CHRM3: variants seen among roughly 807,000 people sequenced by gnomAD.
CHRM3 encodes cholinergic receptor muscarinic 3.
CHRM3 carries 11 observed loss-of-function variants against 41.8 expected under a neutral mutation model. That is an observed-to-expected ratio of 0.26 (90% CI 0.17 to 0.44). The LOEUF is 0.44. Among genes scored for constraint, CHRM3 ranks in the 20% least tolerant of loss-of-function variants. CHRM3 has a pLI of 1.00. For synonymous variants in CHRM3, 297 were observed against 301.4 expected (o/e 0.99, Z 0.15); for missense variants, 571 against 745.4 (o/e 0.77, Z 2.72).
intron 1 of CHRM3, among the ~76,000 whole-genome samples, chr1:239,469,605 G>A (rs931972456): frequency 6.6e-6 from 1 of 151,990 alleles, no homozygotes; most frequent in African/African-American, 2.4e-5. Flanking sequence ...TGCCCAGGCT[G>A]GAATGCAATG....
chr1:239,444,694 C>T (rs945915689), intron 1 of CHRM3, among the ~76,000 whole-genome samples: 5 of 151,928 alleles, frequency 3.3e-5, no homozygotes, highest in Non-Finnish European at 7.4e-5. Flanking sequence ...TGGCAAACAC[C>T]GCGATTACTT....
intron 6 of CHRM3, among the ~76,000 whole-genome samples, chr1:239,861,086 CT>C (rs1402009944): frequency 6.6e-6 from 1 of 152,128 alleles, no homozygotes; most frequent in Non-Finnish European, 1.5e-5. Context: ...TCAGTAACCT[CT>C]ATTATTAACA....
chr1:239,533,577 A>T (rs973363380), intron 2 of CHRM3, among the ~76,000 whole-genome samples: 4 of 151,704 alleles, frequency 2.6e-5, no homozygotes, highest in Non-Finnish European at 4.4e-5. Context: ...CTAAAAAAAA[A>T]AAAATTACCT....
intron 5 of CHRM3, among the ~76,000 whole-genome samples, chr1:239,721,205 C>T (rs921458083): frequency 1.3e-5 from 2 of 151,846 alleles, no homozygotes; most frequent in South Asian, 4.1e-4. Context: ...AGTACAGAGT[C>T]TCTCTCTAAT....
intron 3 of CHRM3, among the ~76,000 whole-genome samples, chr1:239,597,968 G>A (rs1369590135): frequency 1.3e-5 from 2 of 150,444 alleles, no homozygotes; most frequent in Non-Finnish European, 3.0e-5. Context: ...CAAGGCAAGA[G>A]TTCAGAGGAA....
At chr1:239,893,486 G>C (rs1361970361) in intron 6 of CHRM3, among the ~76,000 whole-genome samples, 1 of 152,176 alleles carries the variant, frequency 6.6e-6, no homozygotes, top group Non-Finnish European at 1.5e-5. Context: ...TTAGCCGTGT[G>C]ACTTGGGACA....
At chr1:239,757,760 A>C (rs1440892995) in intron 5 of CHRM3, among the ~76,000 whole-genome samples, 1 of 152,196 alleles carries the variant, frequency 6.6e-6, no homozygotes, top group Non-Finnish European at 1.5e-5. Flanking sequence ...TGCCTTCCTC[A>C]CTTTAATGCT....
intron 6 of CHRM3, among the ~76,000 whole-genome samples, chr1:239,830,167 G>A (rs994654945): frequency 2.0e-5 from 3 of 152,056 alleles, no homozygotes; most frequent in African/African-American, 7.2e-5. Context: ...AAGTATTTGT[G>A]GAAATTCTTT....
intron 5 of CHRM3, among the ~76,000 whole-genome samples, chr1:239,822,225 A>C (rs1335329080): frequency 6.6e-6 from 1 of 152,212 alleles, no homozygotes; most frequent in Non-Finnish European, 1.5e-5. Context: ...AACCAACACA[A>C]TTAAATAGTA....
chr1:239,480,388 A>T (rs1666754406), intron 1 of CHRM3, among the ~76,000 whole-genome samples: 1 of 152,156 alleles, frequency 6.6e-6, no homozygotes, highest in African/African-American at 2.4e-5. Context: ...ATAATGGTGT[A>T]CTGTGAGATT....
intron 1 of CHRM3, among the ~76,000 whole-genome samples, chr1:239,473,065 G>A (rs1295480225): frequency 6.6e-6 from 1 of 151,866 alleles, no homozygotes; most frequent in Non-Finnish European, 1.5e-5. Flanking sequence ...GAAAAAAACT[G>A]GCTATGTATA....
rs148754601 is a variant in CHRM3 at position 239,646,712 on chromosome 1, T to C, written c.-250+14426T>C. On this transcript the variant is annotated intron_variant, in intron 4 of 6. Coordinates refer to ENST00000676153, the MANE Select transcript of CHRM3 (RefSeq NM_001375978.1). ...TGTGACGTGTGTGGATGTGGGTGTG[T>C]GGGTTATGAGGATGAGGAAAGGCAG... 3.3e-5 allele frequency among the ~76,000 whole-genome samples: 5 copies of C among 152,082 alleles called. No homozygotes were observed. The East Asian group carries it at 9.7e-4, about 29-fold the overall frequency.
chr1:239,798,288 C>T (rs954298592), intron 5 of CHRM3, among the ~76,000 whole-genome samples: 2 of 152,228 alleles, frequency 1.3e-5, no homozygotes, highest in Non-Finnish European at 2.9e-5. Context: ...GTAGGCTATT[C>T]ATAGTTACGT....
At chr1:239,787,664 G>A (rs559541452) in intron 5 of CHRM3, among the ~76,000 whole-genome samples, 83 of 152,052 alleles carry the variant, frequency 5.5e-4, no homozygotes, top group Admixed American at 2.9e-3. Context: ...GAGGGGAAGC[G>A]GGAACAGCTA....
intron 6 of CHRM3, chr1:239,886,531 C>T (rs1347934489): frequency 2.0e-5 from 3 of 152,168 alleles, no homozygotes; most frequent in Non-Finnish European, 4.4e-5. Flanking sequence ...CTTCTATTTT[C>T]AGTGGCCATG....
chr1:239,792,877 C>T (rs1179801170), intron 5 of CHRM3, among the ~76,000 whole-genome samples: 1 of 152,152 alleles, frequency 6.6e-6, no homozygotes, highest in Admixed American at 6.5e-5. Flanking sequence ...CATTTTATGG[C>T]AAGACCTTCG....
At chr1:239,842,024 A>G (rs1030706416) in intron 6 of CHRM3, among the ~76,000 whole-genome samples, 3 of 152,208 alleles carry the variant, frequency 2.0e-5, no homozygotes, top group African/African-American at 4.8e-5. Context: ...TCTGCTCCGC[A>G]TGATACTGAA....
At chr1:239,900,851 C>T (rs1156465308) in intron 6 of CHRM3, among the ~76,000 whole-genome samples, 4 of 152,170 alleles carry the variant, frequency 2.6e-5, no homozygotes, top group Non-Finnish European at 4.4e-5. Context: ...TTTAATCCAT[C>T]GTATTCAGGC....
At chr1:239,519,668 TC>T (rs1669493320) in intron 2 of CHRM3, among the ~76,000 whole-genome samples, 1 of 151,800 alleles carries the variant, frequency 6.6e-6, no homozygotes, top group Non-Finnish European at 1.5e-5. Flanking sequence ...AAATATTTTA[TC>T]CATAAGAGAA....
Sources: gnomAD v4.1 joint callset for allele counts (sites outside exome capture counted in the v4.1 genomes callset) on GRCh38, gnomAD v4.1.1 for gene constraint, MANE v1.5 for transcripts, NCBI Gene and HGNC (gene_info 2026-07-23, HGNC 2026-07-21) for gene names.